The following ROBO1 variants were observed in gnomAD, a reference collection of about 807,000 sequenced individuals.
ROBO1 encodes the protein roundabout homolog 1.
A neutral mutation model predicts 195.9 loss-of-function variants in ROBO1; 149 were observed. The observed-to-expected ratio is 0.76, with a 90% confidence interval of 0.67 to 0.87. The LOEUF (loss-of-function observed/expected upper bound fraction) is 0.87, where lower values mean the gene tolerates loss of function less well. ROBO1 is among the 40% of genes least tolerant of loss of function. ROBO1 has a pLI of 0.00. For synonymous variants in ROBO1, 816 were observed against 733.2 expected (o/e 1.11, Z -1.82); for missense variants, 1,933 against 2,068.3 (o/e 0.93, Z 1.27).
At chr3:79,761,227 G>A (rs1482844850) in intron 1 of ROBO1, among the ~76,000 whole-genome samples, 1 of 149,614 alleles carries the variant, frequency 6.7e-6, no homozygotes, top group Non-Finnish European at 1.5e-5. Flanking sequence ...TAAAGTAACT[G>A]TACCCGAAGC....
At chr3:78,826,736 C>T (rs781556038) in intron 4 of ROBO1, among the ~76,000 whole-genome samples, 1 of 152,128 alleles carries the variant, frequency 6.6e-6, no homozygotes, top group Non-Finnish European at 1.5e-5. Flanking sequence ...TGGCTTCAAC[C>T]ACAGCAGTTT....
chr3:79,356,804 C>T (rs759222707), intron 2 of ROBO1, among the ~76,000 whole-genome samples: 3 of 152,076 alleles, frequency 2.0e-5, no homozygotes, highest in Admixed American at 6.6e-5. Flanking sequence ...GAAAGACATT[C>T]GCAGGGCATT....
At chr3:78,704,335 C>T (rs927196945) in intron 8 of ROBO1, among the ~76,000 whole-genome samples, 6 of 152,024 alleles carry the variant, frequency 3.9e-5, no homozygotes, top group South Asian at 2.1e-4. Flanking sequence ...AGCTATCATA[C>T]GAGCTCCAAA....
At chr3:79,741,367 A>C (rs879661259) in intron 1 of ROBO1, among the ~76,000 whole-genome samples, 2 of 152,000 alleles carry the variant, frequency 1.3e-5, no homozygotes, top group African/African-American at 4.8e-5. Context: ...ATTTCAGTCT[A>C]TATATATCTT....
intron 29 of ROBO1, among the ~76,000 whole-genome samples, chr3:78,606,067 T>C (rs1233429527): frequency 1.3e-5 from 2 of 152,226 alleles, no homozygotes; most frequent in Non-Finnish European, 2.9e-5. Context: ...CAGTTATTTT[T>C]CTAAAACACA....
intron 2 of ROBO1, among the ~76,000 whole-genome samples, chr3:79,280,970 C>T (rs2031464264): frequency 6.6e-6 from 1 of 152,062 alleles, no homozygotes; most frequent in Non-Finnish European, 1.5e-5. Context: ...GTCCATGACC[C>T]AGAGGGTTGG....
At chr3:78,623,774 T>G (rs1206222891) in intron 26 of ROBO1, among the ~76,000 whole-genome samples, 1 of 152,164 alleles carries the variant, frequency 6.6e-6, no homozygotes, top group Non-Finnish European at 1.5e-5. Context: ...TCACTCAGAA[T>G]GATATTTAGG....
intron 2 of ROBO1, among the ~76,000 whole-genome samples, chr3:79,471,763 G>A (rs1938286781): frequency 6.6e-6 from 1 of 152,022 alleles, no homozygotes; most frequent in African/African-American, 2.4e-5. Flanking sequence ...CCATAAAAAA[G>A]GATGAGTTCA....
At chr3:78,950,830 T>C (rs2040738138) in intron 3 of ROBO1, among the ~76,000 whole-genome samples, 1 of 151,944 alleles carries the variant, frequency 6.6e-6, no homozygotes, top group Non-Finnish European at 1.5e-5. Context: ...AATGGAGATA[T>C]AAAGCTTTCC....
Position 79,554,559 on chromosome 3 carries a change from A to T in ROBO1, c.88+35265T>A, listed in dbSNP as rs563701762. The stretch of plus-strand genomic sequence containing the variant: ...AAAATAATGGCAACAGAAGGCTATG[A>T]TCCATATCTTGGCAATCATATGTAT... On this transcript the variant is annotated intron_variant, in intron 2 of 30. Transcript: ENST00000464233. Among the ~76,000 whole-genome samples, 3 of 152,202 alleles carry T rather than the reference A, an allele frequency of 2.0e-5. No homozygotes were observed. The South Asian group carries it at 6.2e-4, about 32-fold the overall frequency.
chr3:78,869,553 G>A (rs2035415238), intron 4 of ROBO1, among the ~76,000 whole-genome samples: 2 of 152,052 alleles, frequency 1.3e-5, no homozygotes, highest in South Asian at 4.1e-4. Context: ...AACCTCTTTG[G>A]TCTCAAACAA....
At chr3:79,659,962 C>T (rs982313057) in intron 1 of ROBO1, among the ~76,000 whole-genome samples, 1 of 152,098 alleles carries the variant, frequency 6.6e-6, no homozygotes, top group East Asian at 1.9e-4. Flanking sequence ...TCCCTATATG[C>T]AAGCGTCCCT....
chr3:78,926,797 T>C (rs2039246841), intron 4 of ROBO1, among the ~76,000 whole-genome samples: 1 of 152,140 alleles, frequency 6.6e-6, no homozygotes, highest in African/African-American at 2.4e-5. Flanking sequence ...ATTTTAGCTA[T>C]AGGCCAAGAA....
intron 28 of ROBO1, among the ~76,000 whole-genome samples, chr3:78,609,406 A>G (rs1038656122): frequency 2.6e-5 from 4 of 152,090 alleles, no homozygotes; most frequent in African/African-American, 9.7e-5. Flanking sequence ...CACATCAAGG[A>G]CTATATAAAA....
chr3:78,853,035 G>A (rs1333732106), intron 4 of ROBO1, among the ~76,000 whole-genome samples: 1 of 152,114 alleles, frequency 6.6e-6, no homozygotes, highest in East Asian at 1.9e-4. Flanking sequence ...CAGATTGGAG[G>A]AAATTAGACA....
chr3:78,618,991 A>G (rs1704290744), intron 26 of ROBO1, among the ~76,000 whole-genome samples: 1 of 152,200 alleles, frequency 6.6e-6, no homozygotes, highest in Non-Finnish European at 1.5e-5. Flanking sequence ...CGTGGAAGGA[A>G]GTCATCCCCA....
chr3:79,270,226 A>G (rs1185791267), intron 2 of ROBO1, among the ~76,000 whole-genome samples: 2 of 148,256 alleles, frequency 1.3e-5, no homozygotes, highest in African/African-American at 5.1e-5. Flanking sequence ...TCTCTCACAT[A>G]CACACACATA....
At chr3:78,695,758 T>C (rs946505758) in intron 8 of ROBO1, among the ~76,000 whole-genome samples, 1 of 152,104 alleles carries the variant, frequency 6.6e-6, no homozygotes, top group African/African-American at 2.4e-5. Flanking sequence ...GGAGTCTATC[T>C]TGAATGGTCA....
intron 10 of ROBO1, among the ~76,000 whole-genome samples, chr3:78,677,470 T>C (rs1295137798): frequency 1.1e-4 from 16 of 151,832 alleles, no homozygotes; most frequent in Non-Finnish European, 1.8e-4. Context: ...AATAAAAGGA[T>C]GGAGGAAGAT....
Sources: gnomAD v4.1 joint callset for allele counts (sites outside exome capture counted in the v4.1 genomes callset) on GRCh38, gnomAD v4.1.1 for gene constraint, MANE v1.5 for transcripts, NCBI Gene and HGNC (gene_info 2026-07-23, HGNC 2026-07-21) for gene names.